Variants in CAMK2D observed in about 807,000 individuals in gnomAD.
CAMK2D encodes calcium/calmodulin-dependent protein kinase type II subunit delta.
A neutral mutation model predicts 84.0 loss-of-function variants in CAMK2D; 37 were observed. The observed-to-expected ratio is 0.44, with a 90% CI of 0.34 to 0.58. The LOEUF (loss-of-function observed/expected upper bound fraction) is 0.58. Ranked by LOEUF, CAMK2D falls within the 20% of genes least tolerant of loss-of-function variation. The probability of loss-of-function intolerance (pLI) is 0.02; values close to 1 mark genes in which losing one functional copy is unlikely to be tolerated. For missense variants in CAMK2D, 448 were observed against 652.5 expected (o/e 0.69, Z 3.41); for synonymous variants, 202 against 212.5 (o/e 0.95, Z 0.43).
rs751893375 is a variant in CAMK2D, at chr4:113,460,688, A to AATT, written c.1212-450_1212-448dup. Among the ~76,000 whole-genome samples the AATT allele has an allele frequency of 2.2e-3, 337 of 150,214 alleles. 5 individuals are homozygous for AATT. In the South Asian group the frequency reaches 0.026, roughly 12 times the overall value. ...ATACTTCTGCAATAATAATAATAAT[A>AATT]ATTATTATTATTTTTGAGACAGGGT... On this transcript the variant is annotated intron_variant, in intron 17 of 20. Transcript: ENST00000511664.
intron 17 of CAMK2D, 50 bp from the exon 18 acceptor site, chr4:113,460,291 G>T: frequency 1.0e-6 from 1 of 985,152 alleles, no homozygotes; most frequent in Non-Finnish European, 1.6e-6. Flanking sequence ...GCTTTAATGT[G>T]TTTTGTTGTT....
At chr4:113,623,682 T>G (rs1326569876) in intron 3 of CAMK2D, among the ~76,000 whole-genome samples, 1 of 152,204 alleles carries the variant, frequency 6.6e-6, no homozygotes, top group Non-Finnish European at 1.5e-5. Flanking sequence ...TATGGTATTA[T>G]CTGACCATCA....
chr4:113,485,387 G>C lies in CAMK2D; in HGVS notation c.1135+15076C>G, dbSNP rs548597837. 1.8e-4 allele frequency among the ~76,000 whole-genome samples: 28 copies of C among 152,294 alleles called. 1 individual carries two copies. The South Asian group carries it at 4.3e-3, about 24-fold the overall frequency. Reference sequence around the variant, plus strand: ...GTCCCTCACTAAATATTTGCTGAAAGAGTAACTTACTAAATAAATGTAAAA... The same window carrying C: ...GTCCCTCACTAAATATTTGCTGAAACAGTAACTTACTAAATAAATGTAAAA... On this transcript the variant is annotated intron_variant, in intron 16 of 20. Transcript: ENST00000511664.
At chr4:113,520,757 G>A (rs2098345683) in intron 8 of CAMK2D, among the ~76,000 whole-genome samples, 1 of 152,136 alleles carries the variant, frequency 6.6e-6, no homozygotes, top group Admixed American at 6.5e-5. Context: ...GCTGGGCATG[G>A]TGGCTCACAC....
At chr4:113,599,492 T>C (rs1221881168) in intron 4 of CAMK2D, among the ~76,000 whole-genome samples, 1 of 152,134 alleles carries the variant, frequency 6.6e-6, no homozygotes, top group Non-Finnish European at 1.5e-5. Context: ...TGAAATATTA[T>C]TCAACGACAA....
intron 3 of CAMK2D, among the ~76,000 whole-genome samples, chr4:113,623,372 T>C (rs1415253546): frequency 6.7e-6 from 1 of 149,188 alleles, no homozygotes; most frequent in Non-Finnish European, 1.5e-5. Context: ...TGATCTATCA[T>C]GATGTGTATA....
intron 6 of CAMK2D, among the ~76,000 whole-genome samples, chr4:113,540,976 T>C (rs1365914776): frequency 6.6e-6 from 1 of 152,206 alleles, no homozygotes; most frequent in Non-Finnish European, 1.5e-5. Context: ...GGATTTTCCA[T>C]GACATCTGGT....
Position 113,517,672 on chromosome 4 carries a change from A to G in CAMK2D, c.602-15T>C, listed in dbSNP as rs1333390674. 1.6e-6 allele frequency: 2 copies of G among 1,219,364 alleles called. No homozygotes were observed. The highest frequency in any genetic ancestry group is 3.0e-5 in the African/African-American group (2 of 66,824). The allele number at this position is 1,219,364 out of a possible 1,614,324, so 75.5% of individuals were successfully genotyped here. ...GAGAATGACACCTGGAGGAGAATATAATGTTAACACAATTTAAGTCATATA... is the reference window on the plus strand; with the variant it reads ...GAGAATGACACCTGGAGGAGAATATGATGTTAACACAATTTAAGTCATATA... On this transcript the variant is annotated splice_polypyrimidine_tract_variant and intron_variant, in intron 8 of 20. Coordinates refer to ENST00000511664, the MANE Select transcript of CAMK2D (RefSeq NM_001321571.2).
At chr4:113,683,676 A>T in intron 2 of CAMK2D, among the ~76,000 whole-genome samples, 1 of 152,236 alleles carries the variant, frequency 6.6e-6, no homozygotes, top group East Asian at 1.9e-4. Context: ...AACATCACAG[A>T]GTCAGAAAAC....
intron 3 of CAMK2D, among the ~76,000 whole-genome samples, chr4:113,653,283 T>A (rs1365570745): frequency 1.3e-5 from 2 of 152,056 alleles, no homozygotes; most frequent in African/African-American, 2.4e-5. Context: ...GAATAATCAA[T>A]TTTGCAGACT....
At chr4:113,509,949 C>T (rs2098188364) in intron 12 of CAMK2D, among the ~76,000 whole-genome samples, 1 of 152,200 alleles carries the variant, frequency 6.6e-6, no homozygotes, top group South Asian at 2.1e-4. Flanking sequence ...GACTTTATTT[C>T]ACTGTTGGTT....
Position 113,530,350 on chromosome 4 carries a change from G to A in CAMK2D, c.601+866C>T, listed in dbSNP as rs375497725. Among the ~76,000 whole-genome samples, 3 of 152,272 alleles carry A rather than the reference G, an allele frequency of 2.0e-5. No homozygotes were observed. In the East Asian group the frequency reaches 5.8e-4, roughly 29 times the overall value. On this transcript the variant is annotated intron_variant, in intron 8 of 20. Transcript: ENST00000511664. ...TTTAGCATAAGATAAAGTTTGGACT[G>A]TGTCTGACTGCAACCCATCACATGA...
chr4:113,628,184 C>T (rs539949248), intron 3 of CAMK2D, among the ~76,000 whole-genome samples: 62 of 152,220 alleles, frequency 4.1e-4, no homozygotes, highest in Non-Finnish European at 6.9e-4. Context: ...TTTGTAGATA[C>T]GACCTTTCTA....
chr4:113,481,864 G>T (rs926963727), intron 16 of CAMK2D, among the ~76,000 whole-genome samples: 4 of 152,214 alleles, frequency 2.6e-5, no homozygotes, highest in African/African-American at 9.6e-5. Flanking sequence ...CTTAAAAAGA[G>T]AAAGGGCAGT....
chr4:113,698,939 T>C (rs1481480407), intron 2 of CAMK2D, among the ~76,000 whole-genome samples: 1 of 152,170 alleles, frequency 6.6e-6, no homozygotes, highest in Non-Finnish European at 1.5e-5. Flanking sequence ...TCACTTTTTC[T>C]ACATTTTTGG....
intron 2 of CAMK2D, among the ~76,000 whole-genome samples, chr4:113,744,392 T>A (rs1487967582): frequency 6.6e-6 from 1 of 152,090 alleles, no homozygotes; most frequent in Non-Finnish European, 1.5e-5. Context: ...TCTCTCTACT[T>A]CTCTACAATT....
Position 113,592,968 on chromosome 4 carries a change from C to T in CAMK2D, c.275+16184G>A, listed in dbSNP as rs529445861. On this transcript the variant is annotated intron_variant, in intron 4 of 20. Coordinates refer to ENST00000511664, the MANE Select transcript of CAMK2D (RefSeq NM_001321571.2). Reference sequence around the variant, plus strand: ...TCCCGGGTTCCAGTGATTCTCCTGCCTCAGCCTCCCAAGTAGCTGGGATTA... The same window carrying T: ...TCCCGGGTTCCAGTGATTCTCCTGCTTCAGCCTCCCAAGTAGCTGGGATTA... 2.0e-5 allele frequency among the ~76,000 whole-genome samples: 3 copies of T among 152,214 alleles called. No individual in the cohort carries two copies. In the East Asian group the frequency reaches 5.8e-4, roughly 29 times the overall value.
chr4:113,491,766 G>C (rs1343874058), intron 16 of CAMK2D, among the ~76,000 whole-genome samples: 3 of 152,030 alleles, frequency 2.0e-5, no homozygotes, highest in Non-Finnish European at 4.4e-5. Flanking sequence ...GAATCCATCT[G>C]GTCCTGGACT....
chr4:113,727,009 A>G (rs918514217), intron 2 of CAMK2D, among the ~76,000 whole-genome samples: 3 of 152,198 alleles, frequency 2.0e-5, no homozygotes, highest in Non-Finnish European at 2.9e-5. Flanking sequence ...TTTAAAAGAG[A>G]GAGGAGACCC....
Sources: gnomAD v4.1 joint callset for allele counts (sites outside exome capture counted in the v4.1 genomes callset) on GRCh38, gnomAD v4.1.1 for gene constraint, MANE v1.5 for transcripts, NCBI Gene and HGNC (gene_info 2026-07-23, HGNC 2026-07-21) for gene names.